Variants in FHIT observed in about 807,000 individuals in gnomAD.
The protein encoded by FHIT is fragile histidine triad diadenosine triphosphatase.
FHIT carries 19 observed loss-of-function variants against 17.9 expected under a neutral mutation model. The observed-to-expected ratio is 1.06, with a 90% CI of 0.74 to 1.56. The LOEUF is 1.56. Among genes scored for constraint, FHIT ranks in the 40% most tolerant of loss-of-function variants. The pLI, the probability that FHIT is intolerant of heterozygous loss-of-function variation, is 0.00. For missense variants in FHIT, 248 were observed against 189.2 expected (o/e 1.31, Z -1.82); for synonymous variants, 81 against 69.7 (o/e 1.16, Z -0.81).
chr3:59,868,192 C>T (rs1702748168), intron 8 of FHIT, among the ~76,000 whole-genome samples: 1 of 152,040 alleles, frequency 6.6e-6, no homozygotes, highest in South Asian at 2.1e-4. Flanking sequence ...CCTTCTTTCT[C>T]TGCATTGCAG....
intron 5 of FHIT, among the ~76,000 whole-genome samples, chr3:60,051,848 C>A (rs569570172): frequency 4.7e-4 from 71 of 152,112 alleles, no homozygotes; most frequent in Non-Finnish European, 7.7e-4. Context: ...AAAAATAAAA[C>A]AAACAAACAA....
chr3:60,124,049 G>GAGAGAGAGAGACAGAGAGAC (rs1705421859), intron 5 of FHIT, among the ~76,000 whole-genome samples: 2 of 109,472 alleles, frequency 1.8e-5, no homozygotes, highest in African/African-American at 8.7e-5. Flanking sequence ...GAGAGAGAGA[G>GAGAGAGAGAGACAGAGAGAC]AGAGAGACAG....
chr3:61,009,389 T>C (rs2031661680), intron 3 of FHIT, among the ~76,000 whole-genome samples: 1 of 152,230 alleles, frequency 6.6e-6, no homozygotes, highest in African/African-American at 2.4e-5. Context: ...CTACCATATA[T>C]GAAATTTGAT....
In FHIT at chr3:60,300,032, G is replaced by A. The variant is rs1020486905; in HGVS notation, c.103+236828C>T. Among the ~76,000 whole-genome samples, 5 of 152,132 alleles carry A rather than the reference G, an allele frequency of 3.3e-5. No individual in the cohort carries two copies. The East Asian group carries it at 9.7e-4, about 30-fold the overall frequency. The stretch of plus-strand genomic sequence containing the variant: ...CAGCTAAGGGTTACTAGCTTCTTTA[G>A]TTCCAGGGCTGGGATAGCTAAGGCA... On this transcript the variant is annotated intron_variant, in intron 5 of 9. Coordinates refer to ENST00000492590, the MANE Select transcript of FHIT (RefSeq NM_002012.4).
intron 1 of FHIT, among the ~76,000 whole-genome samples, chr3:61,221,474 C>T (rs1296281471): frequency 1.3e-5 from 2 of 152,174 alleles, no homozygotes; most frequent in Non-Finnish European, 2.9e-5. Context: ...ATTACCTTTC[C>T]ATCATTACAT....
At chr3:60,222,067 A>T (rs1270536600) in intron 5 of FHIT, among the ~76,000 whole-genome samples, 1 of 152,136 alleles carries the variant, frequency 6.6e-6, no homozygotes, top group Non-Finnish European at 1.5e-5. Context: ...CTCAAAAATT[A>T]TTGGGCATGG....
At chr3:61,211,401 G>C (rs888056980) in intron 1 of FHIT, among the ~76,000 whole-genome samples, 1 of 152,194 alleles carries the variant, frequency 6.6e-6, no homozygotes, top group Non-Finnish European at 1.5e-5. Flanking sequence ...CTCGCTGATT[G>C]CTAGCACAGC....
At chr3:60,213,434 A>C (rs1447197306) in intron 5 of FHIT, among the ~76,000 whole-genome samples, 1 of 152,206 alleles carries the variant, frequency 6.6e-6, no homozygotes, top group African/African-American at 2.4e-5. Context: ...TTCCTGGAAC[A>C]ATCGCTGGGG....
At chr3:60,654,741 C>G (rs917464512) in intron 4 of FHIT, among the ~76,000 whole-genome samples, 6 of 152,102 alleles carry the variant, frequency 3.9e-5, no homozygotes, top group African/African-American at 1.4e-4. Flanking sequence ...TGGGGCTGCA[C>G]TAAATAATTT....
intron 8 of FHIT, among the ~76,000 whole-genome samples, chr3:59,902,904 G>T (rs1214407682): frequency 6.6e-6 from 1 of 152,118 alleles, no homozygotes; most frequent in African/African-American, 2.4e-5. Context: ...ATAATATATT[G>T]TATACTTGAA....
chr3:60,654,600 T>G (rs2107812768), intron 4 of FHIT, among the ~76,000 whole-genome samples: 1 of 152,130 alleles, frequency 6.6e-6, no homozygotes, highest in East Asian at 1.9e-4. Flanking sequence ...TAAGAAAAAC[T>G]TGAAATATAT....
chr3:59,964,049 G>T (rs898313022), intron 7 of FHIT, among the ~76,000 whole-genome samples: 3 of 152,068 alleles, frequency 2.0e-5, no homozygotes, highest in Non-Finnish European at 2.9e-5. Context: ...TTTTCAATTC[G>T]TTCAATGCCA....
Position 60,389,802 on chromosome 3 carries a change from A to G in FHIT, c.103+147058T>C, listed in dbSNP as rs533043798. On this transcript the variant is annotated intron_variant, in intron 5 of 9. Coordinates refer to ENST00000492590, the MANE Select transcript of FHIT (RefSeq NM_002012.4). ...CTTGAGTCTACTATACACCTGTCAG[A>G]ACATTTTGTGTTTGACTAACTGTCA... 3.1e-4 allele frequency among the ~76,000 whole-genome samples: 47 copies of G among 152,242 alleles called. 1 individual carries two copies. Among genetic ancestry groups the G allele is most frequent in the African/African-American group, 1.1e-3 (44 of 41,532 alleles).
At chr3:60,792,453 A>T (rs1468078956) in intron 4 of FHIT, among the ~76,000 whole-genome samples, 1 of 152,224 alleles carries the variant, frequency 6.6e-6, no homozygotes, top group Non-Finnish European at 1.5e-5. Flanking sequence ...GCAGTCACAC[A>T]TTCAGGATAA....
At chr3:60,752,493 T>C (rs1235304225) in intron 4 of FHIT, among the ~76,000 whole-genome samples, 1 of 152,162 alleles carries the variant, frequency 6.6e-6, no homozygotes, top group Non-Finnish European at 1.5e-5. Flanking sequence ...AGTCCCTCTC[T>C]GATTGAAAAG....
chr3:60,236,345 G>A (rs1048133849), intron 5 of FHIT, among the ~76,000 whole-genome samples: 3 of 150,340 alleles, frequency 2.0e-5, no homozygotes, highest in Non-Finnish European at 4.4e-5. Context: ...TTCCTCCTCA[G>A]AAAATGTTGA....
chr3:59,961,854 A>G (rs985699107), intron 7 of FHIT, among the ~76,000 whole-genome samples: 3 of 152,240 alleles, frequency 2.0e-5, no homozygotes, highest in East Asian at 1.9e-4. Flanking sequence ...AGCTGTTCCT[A>G]TTCGGCCATC....
intron 3 of FHIT, 148 bp from the exon 4 acceptor site, chr3:60,822,159 T>A (rs1022052092): frequency 3.9e-5 from 6 of 152,204 alleles, no homozygotes; most frequent in African/African-American, 1.4e-4. Flanking sequence ...CATATGTGAT[T>A]TTTGCAGGCA....
chr3:61,090,799 T>C (rs570467600), intron 2 of FHIT, among the ~76,000 whole-genome samples: 1 of 152,346 alleles, frequency 6.6e-6, no homozygotes, highest in South Asian at 2.1e-4. Context: ...CCCTTTTTTG[T>C]CACCCTTGTT....
Sources: gnomAD v4.1 joint callset for allele counts (sites outside exome capture counted in the v4.1 genomes callset) on GRCh38, gnomAD v4.1.1 for gene constraint, MANE v1.5 for transcripts, NCBI Gene and HGNC (gene_info 2026-07-23, HGNC 2026-07-21) for gene names.